Variants in AVEN observed in about 807,000 individuals in gnomAD.
AVEN encodes cell death regulator Aven.
AVEN carries 41 observed loss-of-function variants against 38.1 expected under a neutral mutation model. The ratio of observed to expected loss-of-function variants is 1.08; its 90% CI spans 0.84 to 1.40. The LOEUF is 1.40. Ranked by LOEUF, AVEN falls within the 40% of genes most tolerant of loss-of-function variation. The probability of loss-of-function intolerance (pLI) is 0.00; values close to 1 mark genes in which losing one functional copy is unlikely to be tolerated. For synonymous variants in AVEN, 206 were observed against 171.8 expected, an observed-to-expected ratio of 1.20 and a Z score of -1.56; for missense variants, 605 against 438.8, an observed-to-expected ratio of 1.38 and a Z score of -3.38.
chr15:33,956,767 G>A (rs973643206), intron 2 of AVEN, among the ~76,000 whole-genome samples: 1 of 150,388 alleles, frequency 6.6e-6, no homozygotes, highest in African/African-American at 2.5e-5. Context: ...TCTATAATTT[G>A]TTCTAATATT....
intron 2 of AVEN, among the ~76,000 whole-genome samples, chr15:33,918,341 G>A (rs1862917): frequency 0.52 from 78,372 of 151,822 alleles, 22,270 homozygotes; most frequent in Middle Eastern, 0.66. Flanking sequence ...CTAATAATAG[G>A]AACCTAGCCA....
chr15:34,011,024 G>C (rs562782591), intron 1 of AVEN, among the ~76,000 whole-genome samples: 11 of 152,014 alleles, frequency 7.2e-5, no homozygotes, highest in African/African-American at 2.2e-4. Context: ...GACAGTTTTC[G>C]ATATTTGAAA....
upstream of AVEN, among the ~76,000 whole-genome samples, chr15:34,044,104 A>G (rs984720101): frequency 2.6e-5 from 4 of 152,136 alleles, no homozygotes; most frequent in African/African-American, 9.7e-5. Flanking sequence ...ATGAAAAAAA[A>G]AAAAAACTTC....
At chr15:33,927,292 C>G (rs1251251547) in intron 2 of AVEN, among the ~76,000 whole-genome samples, 1 of 151,552 alleles carries the variant, frequency 6.6e-6, no homozygotes, top group East Asian at 1.9e-4. Context: ...ATTGAACTTC[C>G]TAAGACTTAA....
chr15:33,941,305 T>C (rs1333863801), intron 2 of AVEN, among the ~76,000 whole-genome samples: 7 of 152,226 alleles, frequency 4.6e-5, no homozygotes, highest in African/African-American at 1.7e-4. Flanking sequence ...AACTGTTTTT[T>C]TTTTGTTTTG....
chr15:33,922,510 ACTGCAGCCTCAACCC>A (rs1376646296), intron 2 of AVEN, among the ~76,000 whole-genome samples: 1 of 152,074 alleles, frequency 6.6e-6, no homozygotes, highest in Non-Finnish European at 1.5e-5. Flanking sequence ...ATCATGACTC[ACTGCAGCCTCAACCC>A]CTGGGCTCAA....
intron 1 of AVEN, among the ~76,000 whole-genome samples, chr15:34,011,150 C>A (rs1338845272): frequency 1.3e-5 from 2 of 152,022 alleles, no homozygotes; most frequent in African/African-American, 4.8e-5. Context: ...TATGATCATG[C>A]CACTGCACTC....
intron 2 of AVEN, among the ~76,000 whole-genome samples, chr15:33,882,265 T>A (rs1295124154): frequency 6.6e-6 from 1 of 152,172 alleles, no homozygotes; most frequent in East Asian, 1.9e-4. Context: ...CAAAATCCAA[T>A]GACTGCTTAT....
upstream of AVEN, among the ~76,000 whole-genome samples, chr15:34,075,301 C>A (rs972271009): frequency 2.0e-5 from 3 of 151,848 alleles, no homozygotes; most frequent in Admixed American, 1.3e-4. Flanking sequence ...ACAATCGCAG[C>A]GGAAGGGGAA....
chr15:33,965,421 T>C (rs905969144), intron 2 of AVEN, among the ~76,000 whole-genome samples: 83 of 152,266 alleles, frequency 5.5e-4, no homozygotes, highest in African/African-American at 1.9e-3. Context: ...CAAATCCTAC[T>C]CATCTAAAAA....
intron 2 of AVEN, among the ~76,000 whole-genome samples, chr15:34,002,518 C>T (rs1322974049): frequency 9.0e-6 from 1 of 111,044 alleles, no homozygotes; most frequent in Non-Finnish European, 2.3e-5. Context: ...CACGGAAAGG[C>T]TGGGTTTTTC....
intron 2 of AVEN, among the ~76,000 whole-genome samples, chr15:33,881,616 TAA>T (rs1891488518): frequency 6.6e-6 from 1 of 152,358 alleles, no homozygotes; most frequent in African/African-American, 2.4e-5. Context: ...ATCCTAGAAC[TAA>T]AAGTCTTTCT....
intron 2 of AVEN, among the ~76,000 whole-genome samples, chr15:33,974,704 G>A (rs1440424147): frequency 3.3e-5 from 5 of 152,220 alleles, no homozygotes; most frequent in Non-Finnish European, 1.5e-5. Flanking sequence ...CGGGCACAGT[G>A]GCTCACGCCT....
rs1900430062 is a variant in AVEN, at chr15:34,063,733, C to T, written n.1127-301G>A. On this transcript the variant is annotated intron_variant and non_coding_transcript_variant, in intron 4 of 11. Coordinates refer to the AVEN transcript ENST00000675287. This position sits in a 1 kb window ranked among gnomAD's most constrained non-coding sequence, Gnocchi z 4.1. ...GAAAGCCCAGGGGAAGAATTCAGTG[C>T]TGAAGAGACTGAGGAAACTTTTGTG... is the stretch of plus-strand genomic sequence containing the variant. 1 of 1,614,066 alleles carries T rather than the reference C, an allele frequency of 6.2e-7. No homozygotes were observed. Among genetic ancestry groups the T allele is most frequent in the Admixed American group, 1.7e-5 (1 of 60,008 alleles).
chr15:33,896,034 C>G (rs973083066), intron 2 of AVEN, among the ~76,000 whole-genome samples: 2 of 152,106 alleles, frequency 1.3e-5, no homozygotes, highest in African/African-American at 2.4e-5. Flanking sequence ...TAACGCCACA[C>G]GAAACATTGC....
intron 2 of AVEN, among the ~76,000 whole-genome samples, chr15:33,945,730 T>G (rs916906939): frequency 2.0e-5 from 3 of 152,096 alleles, no homozygotes; most frequent in Middle Eastern, 3.4e-3. Flanking sequence ...GGACTACAGG[T>G]GCACACCACC....
At chr15:33,954,004 C>T (rs529511006) in intron 2 of AVEN, among the ~76,000 whole-genome samples, 45 of 152,334 alleles carry the variant, frequency 3.0e-4, no homozygotes, top group African/African-American at 1.0e-3. Flanking sequence ...TATGAACAGA[C>T]ACTTCTCAAA....
At chr15:33,875,617 C>T (rs8041930) in intron 3 of AVEN, among the ~76,000 whole-genome samples, 5,712 of 152,168 alleles carry the variant, frequency 0.038, 321 homozygotes, top group South Asian at 0.12. Context: ...CAAAGCGTGG[C>T]AAAGGAGGAA....
chr15:33,857,527 A>G (rs9806589), downstream of AVEN, among the ~76,000 whole-genome samples: 7,670 of 152,114 alleles, frequency 0.05, 635 homozygotes, highest in African/African-American at 0.17. Context: ...ATGAATTTGA[A>G]GGGACACAAT....
Sources: allele counts gnomAD v4.1 joint callset (sites outside exome capture counted in the v4.1 genomes callset), GRCh38; gene constraint gnomAD v4.1.1; non-coding constraint Gnocchi (gnomAD v3.1); transcripts MANE v1.5; gene names NCBI Gene and HGNC (gene_info 2026-07-23, HGNC 2026-07-21).